RGS10: variants seen among roughly 807,000 people sequenced by gnomAD.
RGS10 encodes the protein regulator of G protein signaling 10, also known as regulator of G-protein signalling 10.
Under a neutral mutation model 23.5 loss-of-function variants are expected in RGS10, and 11 were observed. The observed-to-expected ratio is 0.47, with a 90% confidence interval of 0.29 to 0.77. The LOEUF is 0.77. RGS10 is among the 30% of genes least tolerant of loss of function. The pLI is 0.08. For synonymous variants in RGS10, 77 were observed against 83.2 expected, an observed-to-expected ratio of 0.92 and a Z score of 0.41; for missense variants, 180 against 226.3, an observed-to-expected ratio of 0.80 and a Z score of 1.31.
chr10:119,518,596 C>T (rs1211971202), intron 3 of RGS10, among the ~76,000 whole-genome samples: 1 of 152,186 alleles, frequency 6.6e-6, no homozygotes, highest in Non-Finnish European at 1.5e-5. Flanking sequence ...AAGAGCGCTG[C>T]TTCCCACACT....
intron 2 of RGS10, 61 bp from the exon 3 acceptor site, chr10:119,526,179 T>C: frequency 2.2e-6 from 2 of 915,686 alleles, no homozygotes; most frequent in Non-Finnish European, 3.3e-6. Flanking sequence ...ATAAAACAAA[T>C]GGCATTTCCC....
chr10:119,537,359 G>T (rs1245250167), intron 1 of RGS10, among the ~76,000 whole-genome samples: 1 of 132,548 alleles, frequency 7.5e-6, no homozygotes, highest in Non-Finnish European at 1.6e-5. Context: ...TCCAGCGTGG[G>T]CAACAAGAGT....
chr10:119,518,470 C>T (rs1218199940), intron 3 of RGS10, among the ~76,000 whole-genome samples: 2 of 152,206 alleles, frequency 1.3e-5, no homozygotes, highest in South Asian at 4.1e-4. Context: ...CGTCAGCTCT[C>T]GAACCCGGCT....
At chr10:119,518,065 G>A (rs551252209) in intron 3 of RGS10, among the ~76,000 whole-genome samples, 2 of 152,354 alleles carry the variant, frequency 1.3e-5, no homozygotes, top group African/African-American at 4.8e-5. Flanking sequence ...GAGAACATGA[G>A]CAGAAAAGAA....
At chr10:119,532,412 C>A (rs1047783635) in intron 1 of RGS10, among the ~76,000 whole-genome samples, 4 of 152,130 alleles carry the variant, frequency 2.6e-5, no homozygotes, top group Non-Finnish European at 2.9e-5. Context: ...AATTCCTAAG[C>A]CATCTCAGCT....
chr10:119,527,584 G>T lies in RGS10; in HGVS notation c.50-160C>A. On this transcript the variant is annotated intron_variant, in intron 1 of 4. Transcript: ENST00000369103. The surrounding 1 kb of genome is among the most constrained non-coding windows in gnomAD (Gnocchi z 4.2). ...TGCTTAACATGATGGACTCATTCTTGTCACACAACCCTGTAAGGCAGGCAC... is the reference window on the plus strand; with the variant it reads ...TGCTTAACATGATGGACTCATTCTTTTCACACAACCCTGTAAGGCAGGCAC... 1.6e-6 allele frequency: 1 copy of T among 632,454 alleles called. No individual in the cohort carries two copies. The highest frequency in any genetic ancestry group is 2.8e-6 in the Non-Finnish European group (1 of 352,166). 39.2% of individuals were successfully genotyped at this position (632,454 alleles called of 1,614,324 possible). A position where few individuals can be genotyped will look rare whatever the true frequency, so the allele number is the denominator to read the frequency against.
intron 1 of RGS10, among the ~76,000 whole-genome samples, chr10:119,535,805 A>C (rs1321150518): frequency 6.6e-6 from 1 of 152,190 alleles, no homozygotes; most frequent in Non-Finnish European, 1.5e-5. Flanking sequence ...CCTAAATTCC[A>C]AAGTGGTTTG....
rs1449359966 is a variant in RGS10, at chr10:119,538,409, C to T, written c.49+4181G>A. On this transcript the variant is annotated intron_variant, in intron 1 of 4. Coordinates refer to ENST00000369103, the MANE Select transcript of RGS10 (RefSeq NM_001005339.2). This position sits in a 1 kb window ranked among gnomAD's most constrained non-coding sequence, Gnocchi z 4.5. ...CTCCTGCTCAGACAAGCTGCTCTGT[C>T]AAGCATGGAGGGTGGGAGGCAGCGA... is the stretch of plus-strand genomic sequence containing the variant. 3.3e-5 allele frequency among the ~76,000 whole-genome samples: 5 copies of T among 152,168 alleles called. No homozygotes were observed. The highest frequency in any genetic ancestry group is 7.4e-5 in the Non-Finnish European group (5 of 68,026).
At chr10:119,536,457 T>G (rs1253915490) in intron 1 of RGS10, 1 of 1,612,986 alleles carries the variant, frequency 6.2e-7, no homozygotes, top group Non-Finnish European at 8.5e-7. Context: ...TGGGGGCGAT[T>G]CCTTACGTTC....
chr10:119,515,740 G>A (rs367712592), intron 3 of RGS10, 88 bp from the exon 4 acceptor site: 4 of 1,518,404 alleles, frequency 2.6e-6, no homozygotes, highest in African/African-American at 2.7e-5. Context: ...AGGCCCACAG[G>A]AGCTGCTGTG....
chr10:119,521,147 G>T (rs1486240524), intron 3 of RGS10, among the ~76,000 whole-genome samples: 1 of 151,834 alleles, frequency 6.6e-6, no homozygotes, highest in East Asian at 1.9e-4. Context: ...GAGGCGAGAG[G>T]ATTTCTTTTG....
intron 1 of RGS10, among the ~76,000 whole-genome samples, chr10:119,540,397 C>T (rs147853288): frequency 1.3e-5 from 2 of 152,124 alleles, no homozygotes; most frequent in South Asian, 2.1e-4. Flanking sequence ...ACTACAGGCA[C>T]GCATCACCAT....
chr10:119,528,844 TAATAAATAAATA>T (rs59583887), intron 1 of RGS10, among the ~76,000 whole-genome samples: 16 of 149,326 alleles, frequency 1.1e-4, no homozygotes, highest in Non-Finnish European at 1.8e-4. Context: ...AAAATAATGA[TAATAAATAAATA>T]AATAAATAAA....
At position 119,515,592 on chromosome 10, in the gene RGS10, C is replaced by T; in HGVS notation, c.316G>A (p.Val106Ile). The change falls in exon 4 of 5, where the codon GTC becomes ATC. Residue 106 changes from valine to isoleucine, a missense_variant. Val to Ile is a conservative substitution (Grantham distance 29, BLOSUM62 3). Coordinates refer to ENST00000369103, the MANE Select transcript of RGS10 (RefSeq NM_001005339.2). ...AGCCGAGACTGCCCCTCCACGTTGACCTGTGATGAGGCCTTGCTGGACAGA... is the reference window on the plus strand; with the variant it reads ...AGCCGAGACTGCCCCTCCACGTTGATCTGTGATGAGGCCTTGCTGGACAGA... ...TFLSSKASSQVNVEGQSRLNE... is the reference protein window; with the variant it reads ...TFLSSKASSQINVEGQSRLNE... 1 of 1,614,194 alleles carries T rather than the reference C, an allele frequency of 6.2e-7. No individual in the cohort carries two copies. The highest frequency in any genetic ancestry group is 8.5e-7 in the Non-Finnish European group (1 of 1,180,040).
chr10:119,520,554 T>G (rs1844200727), intron 3 of RGS10, among the ~76,000 whole-genome samples: 1 of 151,852 alleles, frequency 6.6e-6, no homozygotes, highest in Non-Finnish European at 1.5e-5. Context: ...CCAGGGAGGC[T>G]CCGGAACAGA....
At chr10:119,511,099 C>T (rs922401657) in intron 4 of RGS10, among the ~76,000 whole-genome samples, 5 of 152,118 alleles carry the variant, frequency 3.3e-5, no homozygotes, top group Non-Finnish European at 7.3e-5. Flanking sequence ...AAGGTAACCC[C>T]CTTCCTTCCT....
rs568820609 is a variant in RGS10 at position 119,504,467 on chromosome 10, C to T, written c.400-4208G>A. ...CCGGGATTACAGGCATGAGCCACCA[C>T]GCCCGGCTCCAAATACATTCTTTAA... On this transcript the variant is annotated intron_variant, in intron 4 of 4. Coordinates refer to ENST00000369103, the MANE Select transcript of RGS10 (RefSeq NM_001005339.2). Among the ~76,000 whole-genome samples the T allele has an allele frequency of 1.2e-4, 18 of 152,316 alleles. No individual in the cohort carries two copies. In the South Asian group the frequency reaches 2.3e-3, roughly 19 times the overall value.
chr10:119,537,855 A>G (rs965061318), intron 1 of RGS10, among the ~76,000 whole-genome samples: 3 of 152,068 alleles, frequency 2.0e-5, no homozygotes, highest in Non-Finnish European at 2.9e-5. Flanking sequence ...ATAGATCACT[A>G]TGTTTCTTTA....
intron 1 of RGS10, chr10:119,536,464 G>A (rs757057550): frequency 2.5e-5 from 40 of 1,612,968 alleles, no homozygotes; most frequent in Non-Finnish European, 3.1e-5. Context: ...GATTCCTTAC[G>A]TTCCATGCTC....
Sources: allele counts gnomAD v4.1 joint callset (sites outside exome capture counted in the v4.1 genomes callset), GRCh38; gene constraint gnomAD v4.1.1; non-coding constraint Gnocchi (gnomAD v3.1); transcripts MANE v1.5; gene names NCBI Gene and HGNC (gene_info 2026-07-23, HGNC 2026-07-21).